Variants in ALKBH8 observed in about 807,000 individuals in gnomAD.
ALKBH8 encodes tRNA (carboxymethyluridine(34)-5-O)-methyltransferase ALKBH8.
In ALKBH8, 36 loss-of-function variants were observed where a neutral mutation model predicts 59.8. That is an observed-to-expected ratio of 0.60 (90% CI 0.46 to 0.79). The LOEUF (loss-of-function observed/expected upper bound fraction) is 0.79, where lower values mean the gene tolerates loss of function less well. Among genes scored for constraint, ALKBH8 ranks in the 30% least tolerant of loss-of-function variants. The pLI, the probability that ALKBH8 is intolerant of heterozygous loss-of-function variation, is 0.00. For synonymous variants in ALKBH8, 276 were observed against 273.6 expected (o/e 1.01, Z -0.09); for missense variants, 768 against 801.0 (o/e 0.96, Z 0.50).
At chr11:107,536,417 G>A (rs185845495) in intron 7 of ALKBH8, among the ~76,000 whole-genome samples, 87 of 152,290 alleles carry the variant, frequency 5.7e-4, no homozygotes, top group Admixed American at 7.8e-4. Context: ...AGAAGAATAC[G>A]GAATGACAGG....
intron 2 of ALKBH8, among the ~76,000 whole-genome samples, chr11:107,559,052 G>A (rs964558902): frequency 1.3e-5 from 2 of 152,148 alleles, no homozygotes; most frequent in African/African-American, 2.4e-5. Flanking sequence ...TAATGTTCTC[G>A]TGGTAGTGAA....
At chr11:107,519,121 T>C (rs1862997261) in intron 10 of ALKBH8, among the ~76,000 whole-genome samples, 1 of 151,952 alleles carries the variant, frequency 6.6e-6, no homozygotes, top group Non-Finnish European at 1.5e-5. Flanking sequence ...TTTTCTTTTT[T>C]TGAGACAGAG....
chr11:107,504,373 C>G lies in ALKBH8; in HGVS notation c.*285G>C, dbSNP rs1862287495. Reference sequence around the variant, plus strand: ...ACTAAAAAACTATTATCTTCAAAATCCTGGGCTCTTACCCAAGAATTACAA... The same window carrying G: ...ACTAAAAAACTATTATCTTCAAAATGCTGGGCTCTTACCCAAGAATTACAA... On this transcript the variant is annotated 3_prime_UTR_variant, in exon 12 of 12. Coordinates refer to ENST00000428149, the MANE Select transcript of ALKBH8 (RefSeq NM_138775.3). The G allele has an allele frequency of 1.7e-6, 1 of 574,708 alleles. No homozygotes were observed. The highest frequency in any genetic ancestry group is 3.0e-6 in the Non-Finnish European group (1 of 328,458). The allele number at this position is 574,708 out of a possible 1,614,324, so 35.6% of individuals were successfully genotyped here. A position where few individuals can be genotyped will look rare whatever the true frequency, so the allele number is the denominator to read the frequency against.
intron 4 of ALKBH8, 126 bp from the exon 5 acceptor site, chr11:107,553,329 G>A: frequency 1.8e-6 from 1 of 564,080 alleles, no homozygotes; most frequent in Non-Finnish European, 3.0e-6. Context: ...GTAAATTATG[G>A]TCTTTAACAA....
Position 107,556,977 on chromosome 11 carries a change from CAA to C in ALKBH8, c.154_155del (p.Leu52GlyfsTer2), listed in dbSNP as rs927920661. ...GCTGGTTCCGACTCACACCATTACCCAAACCACCATTGGCAACAACCAGGCTC... is the reference window on the plus strand; with the variant it reads ...GCTGGTTCCGACTCACACCATTACCCACCACCATTGGCAACAACCAGGCTC... ...TQSLVVANGG[L>X]GNGVSRNQLL... On this transcript the variant is annotated frameshift_variant, in exon 3 of 12. Transcript: ENST00000428149. LOFTEE classifies it high-confidence loss of function. The C allele has an allele frequency of 8.2e-6, 13 of 1,594,450 alleles. No individual in the cohort carries two copies. Among genetic ancestry groups the C allele is most frequent in the South Asian group, 1.1e-5 (1 of 87,296 alleles).
intron 7 of ALKBH8, among the ~76,000 whole-genome samples, chr11:107,549,301 AAGATATTACCCT>A (rs1459971422): frequency 6.6e-6 from 1 of 152,258 alleles, no homozygotes; most frequent in Non-Finnish European, 1.5e-5. Context: ...TGTAAAAATG[AAGATATTACCCT>A]CTACTTCTCA....
At chr11:107,530,834 G>A (rs1354543181) in intron 8 of ALKBH8, among the ~76,000 whole-genome samples, 2 of 152,046 alleles carry the variant, frequency 1.3e-5, no homozygotes, top group Non-Finnish European at 2.9e-5. Context: ...CTTTCAGTAA[G>A]ACAATAATGT....
intron 10 of ALKBH8, among the ~76,000 whole-genome samples, chr11:107,514,401 T>A (rs1323889316): frequency 6.6e-6 from 1 of 152,190 alleles, no homozygotes; most frequent in Non-Finnish European, 1.5e-5. Flanking sequence ...GTAATCGGTA[T>A]TAAACAGCTT....
At chr11:107,509,948 A>G (rs1862553940) in intron 11 of ALKBH8, among the ~76,000 whole-genome samples, 1 of 152,208 alleles carries the variant, frequency 6.6e-6, no homozygotes, top group African/African-American at 2.4e-5. Flanking sequence ...TATGTGCCAA[A>G]CATTTCTTCC....
intron 2 of ALKBH8, 83 bp from the exon 3 acceptor site, chr11:107,557,086 T>TA (rs1229167745): frequency 1.2e-5 from 12 of 1,037,812 alleles, no homozygotes; most frequent in East Asian, 2.9e-5. Context: ...AGATTTTTTT[T>TA]AAAAAAGATG....
intron 7 of ALKBH8, among the ~76,000 whole-genome samples, chr11:107,543,103 C>T (rs1864112516): frequency 6.6e-6 from 1 of 152,070 alleles, no homozygotes. Context: ...TGGATATAGG[C>T]CAAGGCGGGT....
intron 2 of ALKBH8, among the ~76,000 whole-genome samples, chr11:107,558,721 T>C (rs1864812185): frequency 6.6e-6 from 1 of 152,346 alleles, no homozygotes; most frequent in East Asian, 1.9e-4. Context: ...AAATGTAATA[T>C]AATTAATGCA....
intron 10 of ALKBH8, among the ~76,000 whole-genome samples, chr11:107,513,250 A>G (rs987937535): frequency 1.3e-5 from 2 of 152,258 alleles, no homozygotes; most frequent in Non-Finnish European, 2.9e-5. Flanking sequence ...GGACATGAAC[A>G]GATACTTTTC....
chr11:107,529,239 A>G (rs1489457247), intron 8 of ALKBH8, among the ~76,000 whole-genome samples: 1 of 152,204 alleles, frequency 6.6e-6, no homozygotes, highest in East Asian at 1.9e-4. Context: ...ATGATTGTGT[A>G]AATTAAATGA....
chr11:107,511,070 T>A, intron 10 of ALKBH8, 34 bp from the exon 11 acceptor site: 1 of 1,548,614 alleles, frequency 6.5e-7, no homozygotes, highest in Non-Finnish European at 8.7e-7. Flanking sequence ...AACATTTTGT[T>A]TAAATTTCAC....
At chr11:107,539,990 T>C (rs911199439) in intron 7 of ALKBH8, among the ~76,000 whole-genome samples, 51 of 152,330 alleles carry the variant, frequency 3.3e-4, no homozygotes, top group Non-Finnish European at 5.9e-4. Flanking sequence ...GATGGTGCCC[T>C]ATGGCATCAA....
chr11:107,515,335 A>G (rs1862819644), intron 10 of ALKBH8, among the ~76,000 whole-genome samples: 1 of 152,200 alleles, frequency 6.6e-6, no homozygotes, highest in African/African-American at 2.4e-5. Flanking sequence ...CAATGACATT[A>G]AAACATATAC....
At chr11:107,529,804 GT>G (rs556855070) in intron 8 of ALKBH8, among the ~76,000 whole-genome samples, 68 of 152,002 alleles carry the variant, frequency 4.5e-4, no homozygotes, top group Non-Finnish European at 9.6e-4. Context: ...ACCCGGCCCT[GT>G]CTCCTACTTT....
chr11:107,563,676 T>C (rs1449603870), intron 1 of ALKBH8: 1 of 152,238 alleles, frequency 6.6e-6, no homozygotes, highest in Non-Finnish European at 1.5e-5. Context: ...CTTTGCAGTA[T>C]GTCATGGAGA....
Sources: allele counts gnomAD v4.1 joint callset (sites outside exome capture counted in the v4.1 genomes callset), GRCh38; gene constraint gnomAD v4.1.1; transcripts MANE v1.5; gene names NCBI Gene and HGNC (gene_info 2026-07-23, HGNC 2026-07-21).